SCRG1: variants seen among roughly 807,000 people sequenced by gnomAD.
The protein encoded by SCRG1 is scrapie-responsive protein 1.
SCRG1 carries 3 observed loss-of-function variants against 7.7 expected under a neutral mutation model. That is an observed-to-expected ratio of 0.39 (90% CI 0.18 to 1.01). The LOEUF (loss-of-function observed/expected upper bound fraction) is 1.01, where lower values mean the gene tolerates loss of function less well. Ranked by LOEUF, SCRG1 falls within the 50% of genes least tolerant of loss-of-function variation. SCRG1 has a pLI of 0.36. For synonymous variants in SCRG1, 46 were observed against 41.2 expected (o/e 1.12, Z -0.44); for missense variants, 110 against 117.2 (o/e 0.94, Z 0.28).
chr4:173,479,058 T>C, the SCRG1 span, among the ~76,000 whole-genome samples: 1 of 152,186 alleles, frequency 6.6e-6, no homozygotes, highest in African/African-American at 2.4e-5. Context: ...GTTCGTACAC[T>C]GGGTGCATCT....
chr4:173,443,902 T>C, the SCRG1 span, among the ~76,000 whole-genome samples: 2 of 151,758 alleles, frequency 1.3e-5, no homozygotes, highest in Admixed American at 1.3e-4. Context: ...TCATATATAC[T>C]GTTAGCTTTA....
the SCRG1 span, among the ~76,000 whole-genome samples, chr4:173,478,173 T>C: frequency 6.6e-6 from 1 of 152,190 alleles, no homozygotes; most frequent in Non-Finnish European, 1.5e-5. Flanking sequence ...AGCTTTAACC[T>C]GCTGATCTCA....
chr4:173,464,907 C>G, the SCRG1 span, among the ~76,000 whole-genome samples: 1 of 152,052 alleles, frequency 6.6e-6, no homozygotes, highest in Non-Finnish European at 1.5e-5. Flanking sequence ...CATTGTTTAG[C>G]CTTACATAGG....
At chr4:173,518,564 G>A in the SCRG1 span, among the ~76,000 whole-genome samples, 293 of 152,202 alleles carry the variant, frequency 1.9e-3, 1 homozygote, top group African/African-American at 6.4e-3. Context: ...AGAGGCCTCA[G>A]TACAGCCTTC....
chr4:173,517,149 A>AGGCTCGGGGCTCG, the SCRG1 span, among the ~76,000 whole-genome samples: 417 of 152,218 alleles, frequency 2.7e-3, 4 homozygotes, highest in Non-Finnish European at 7.2e-4. Context: ...TCCCCCCGGG[A>AGGCTCGGGGCTCG]GGCTCGGGGC....
chr4:173,435,157 T>A, the SCRG1 span, among the ~76,000 whole-genome samples: 1 of 150,066 alleles, frequency 6.7e-6, no homozygotes. Context: ...TGTGTGTGTT[T>A]AAAGAACTTA....
the SCRG1 span, among the ~76,000 whole-genome samples, chr4:173,484,436 CAT>C: frequency 2.0e-5 from 1 of 50,592 alleles, no homozygotes; most frequent in Non-Finnish European, 3.3e-5. Flanking sequence ...ATATTATATA[CAT>C]ATGATATATA....
the SCRG1 span, among the ~76,000 whole-genome samples, chr4:173,495,894 A>C: frequency 3.7e-4 from 57 of 152,322 alleles, 1 homozygote; most frequent in African/African-American, 1.0e-3. Flanking sequence ...AAGGATATAT[A>C]CTCCACAATC....
chr4:173,484,683 T>TATATTATATATTATATGCATAGAATAC, the SCRG1 span, among the ~76,000 whole-genome samples: 1 of 50,066 alleles, frequency 2.0e-5, no homozygotes, highest in Non-Finnish European at 3.8e-5. Context: ...ATGTATAATA[T>TATATTATATATTATATGCATAGAATAC]ATATTATATA....
At chr4:173,470,552 A>T in the SCRG1 span, among the ~76,000 whole-genome samples, 1 of 152,206 alleles carries the variant, frequency 6.6e-6, no homozygotes, top group African/African-American at 2.4e-5. Context: ...CTCATTTTCT[A>T]TTTTTAAATG....
chr4:173,400,835 C>T (rs751389897), upstream of SCRG1, among the ~76,000 whole-genome samples: 3 of 152,114 alleles, frequency 2.0e-5, no homozygotes, highest in Non-Finnish European at 2.9e-5. Context: ...TCTTTGTTTC[C>T]CACCATTATG....
At chr4:173,459,305 T>C in the SCRG1 span, among the ~76,000 whole-genome samples, 246 of 152,358 alleles carry the variant, frequency 1.6e-3, 5 homozygotes, top group East Asian at 0.025. Context: ...AGCTGCAGAA[T>C]GCACATTCTT....
At chr4:173,436,365 T>A in the SCRG1 span, among the ~76,000 whole-genome samples, 3 of 152,332 alleles carry the variant, frequency 2.0e-5, no homozygotes, top group East Asian at 5.8e-4. Context: ...CTCTCTGAGT[T>A]ATGTGCTGCT....
the SCRG1 span, among the ~76,000 whole-genome samples, chr4:173,492,962 G>A: frequency 6.6e-6 from 1 of 152,178 alleles, no homozygotes; most frequent in Non-Finnish European, 1.5e-5. Flanking sequence ...CTTCTACAGG[G>A]ATTGACACTG....
the SCRG1 span, among the ~76,000 whole-genome samples, chr4:173,517,571 C>A: frequency 6.6e-6 from 1 of 152,152 alleles, no homozygotes; most frequent in African/African-American, 2.4e-5. Flanking sequence ...CTGCGTACAT[C>A]CACACAGCGC....
the SCRG1 span, among the ~76,000 whole-genome samples, chr4:173,505,257 G>A: frequency 8.5e-5 from 13 of 152,276 alleles, no homozygotes; most frequent in East Asian, 2.5e-3. This position sits in a 1 kb window ranked among gnomAD's most constrained non-coding sequence, Gnocchi z 4.4. Flanking sequence ...ACAGGGATGA[G>A]TGTGGCTTTC....
At chr4:173,482,885 A>G in the SCRG1 span, among the ~76,000 whole-genome samples, 1 of 140,650 alleles carries the variant, frequency 7.1e-6, no homozygotes, top group Non-Finnish European at 1.5e-5. Context: ...TTTATATGTT[A>G]TATATTATAT....
At chr4:173,435,464 G>A in the SCRG1 span, among the ~76,000 whole-genome samples, 1 of 152,326 alleles carries the variant, frequency 6.6e-6, no homozygotes, top group African/African-American at 2.4e-5. Flanking sequence ...CTCTCAGGAT[G>A]CTGGGATATG....
the SCRG1 span, among the ~76,000 whole-genome samples, chr4:173,435,922 C>A: frequency 6.6e-5 from 10 of 152,246 alleles, no homozygotes; most frequent in South Asian, 6.2e-4. Flanking sequence ...AAGTTCAGTG[C>A]AACAGATACC....
Sources: gnomAD v4.1 joint callset for allele counts (sites outside exome capture counted in the v4.1 genomes callset) on GRCh38, gnomAD v4.1.1 for gene constraint, Gnocchi (gnomAD v3.1) non-coding constraint, MANE v1.5 for transcripts, NCBI Gene and HGNC (gene_info 2026-07-23, HGNC 2026-07-21) for gene names.